FNIP1: variants seen among roughly 807,000 people sequenced by gnomAD.
FNIP1 encodes the protein folliculin interacting protein 1.
In FNIP1, 40 loss-of-function variants were observed where a neutral mutation model predicts 124.5. The ratio of observed to expected loss-of-function variants is 0.32; its 90% CI spans 0.25 to 0.42. The LOEUF (loss-of-function observed/expected upper bound fraction) is 0.42, where lower values mean the gene tolerates loss of function less well. FNIP1 is among the 10% of genes least tolerant of loss of function. The pLI, the probability that FNIP1 is intolerant of heterozygous loss-of-function variation, is 1.00. For missense variants in FNIP1, 1,176 were observed against 1,403.7 expected, an observed-to-expected ratio of 0.84 and a Z score of 2.59; for synonymous variants, 472 against 470.6, an observed-to-expected ratio of 1.00 and a Z score of -0.04.
chr5:131,730,489 G>A lies in FNIP1; in HGVS notation c.354+415C>T, dbSNP rs576527247. On this transcript the variant is annotated intron_variant, in intron 3 of 17. Transcript: ENST00000510461. ...TCCTATGTATTATACTTACTAATAC[G>A]TTTAATTCCATATTTTACAAGAAGT... 2.0e-5 allele frequency among the ~76,000 whole-genome samples: 3 copies of A among 152,156 alleles called. No homozygotes were observed. The East Asian group carries it at 5.8e-4, about 29-fold the overall frequency.
chr5:131,735,019 T>C (rs890530599), intron 2 of FNIP1, among the ~76,000 whole-genome samples: 2 of 152,190 alleles, frequency 1.3e-5, no homozygotes, highest in Non-Finnish European at 1.5e-5. Flanking sequence ...CGTATGTTTA[T>C]TGCAGCACTA....
chr5:131,723,786 T>G (rs1216984779), intron 3 of FNIP1, among the ~76,000 whole-genome samples: 2 of 152,164 alleles, frequency 1.3e-5, no homozygotes, highest in African/African-American at 4.8e-5. Flanking sequence ...GGTATAAAAG[T>G]GCCATGGTGG....
chr5:131,764,532 TG>T (rs1273995934), intron 1 of FNIP1, among the ~76,000 whole-genome samples: 1 of 151,990 alleles, frequency 6.6e-6, no homozygotes, highest in Admixed American at 6.6e-5. Flanking sequence ...CTCAAACTCA[TG>T]GGCTCAAACA....
Position 131,760,768 on chromosome 5 carries a change from A to G in FNIP1, c.93-16078T>C, listed in dbSNP as rs186305904. Among the ~76,000 whole-genome samples the G allele has an allele frequency of 2.2e-3, 333 of 152,234 alleles. 1 individual carries two copies. Among genetic ancestry groups the G allele is most frequent in the African/African-American group, 7.6e-3 (317 of 41,540 alleles). ...CTATGCTCCTACATGGAATAGAAAA[A>G]GAGGAGCCAAGTTTCAAAAGCTATG... On this transcript the variant is annotated intron_variant, in intron 1 of 17. Coordinates refer to ENST00000510461, the MANE Select transcript of FNIP1 (RefSeq NM_133372.3).
chr5:131,779,502 A>G (rs1479185559), intron 1 of FNIP1, among the ~76,000 whole-genome samples: 1 of 150,248 alleles, frequency 6.7e-6, no homozygotes, highest in African/African-American at 2.5e-5. Flanking sequence ...ACATGGTGAA[A>G]CCCCACTTCT....
At chr5:131,651,263 C>T (rs1470974619) in intron 16 of FNIP1, among the ~76,000 whole-genome samples, 2 of 152,078 alleles carry the variant, frequency 1.3e-5, no homozygotes, top group East Asian at 3.9e-4. Flanking sequence ...TGTGGTAGCA[C>T]GTGCCTGTAG....
At chr5:131,715,064 C>A (rs1438222598) in intron 6 of FNIP1, among the ~76,000 whole-genome samples, 1 of 152,188 alleles carries the variant, frequency 6.6e-6, no homozygotes, top group African/African-American at 2.4e-5. Context: ...GTAAATGTTG[C>A]TCATTATTTA....
chr5:131,693,344 A>ATATG (rs1251554940), intron 11 of FNIP1, among the ~76,000 whole-genome samples: 17 of 130,558 alleles, frequency 1.3e-4, no homozygotes, highest in African/African-American at 4.0e-4. Flanking sequence ...ATATATATAT[A>ATATG]TATATATATA....
Position 131,642,691 on chromosome 5 carries a change from G to C in FNIP1, c.*1994C>G, listed in dbSNP as rs983830919. On this transcript the variant is annotated 3_prime_UTR_variant, in exon 18 of 18. Coordinates refer to ENST00000510461, the MANE Select transcript of FNIP1 (RefSeq NM_133372.3). ...TCAAGACCAGCCTGACCAACACATG[G>C]TGAAATCTCATCTCTACTAAAAATA... is the stretch of plus-strand genomic sequence containing the variant. The C allele has an allele frequency of 6.6e-6, 1 of 151,954 alleles. No individual in the cohort carries two copies. The highest frequency in any genetic ancestry group is 2.4e-5 in the African/African-American group (1 of 41,338). 9.4% of individuals were successfully genotyped at this position (151,954 alleles called of 1,614,324 possible).
chr5:131,674,332 C>T (rs1441365097), intron 13 of FNIP1, among the ~76,000 whole-genome samples: 1 of 152,174 alleles, frequency 6.6e-6, no homozygotes, highest in Non-Finnish European at 1.5e-5. Context: ...ATGTTAAAAG[C>T]AGGGGAGGTG....
At chr5:131,727,120 T>C (rs537001625) in intron 3 of FNIP1, among the ~76,000 whole-genome samples, 5 of 152,308 alleles carry the variant, frequency 3.3e-5, no homozygotes, top group African/African-American at 1.2e-4. Flanking sequence ...AGAATGTATA[T>C]TCTGTTTATT....
chr5:131,756,947 G>A (rs1771070149), intron 1 of FNIP1, among the ~76,000 whole-genome samples: 1 of 152,156 alleles, frequency 6.6e-6, no homozygotes. Context: ...TACCACAGAA[G>A]ATTCCAGGTG....
At chr5:131,671,377 G>A in intron 14 of FNIP1, 128 bp downstream of exon 14, 1 of 805,520 alleles carries the variant, frequency 1.2e-6, no homozygotes, top group Non-Finnish European at 1.9e-6. Context: ...TATGAGTTAA[G>A]AGAATATGAA....
intron 3 of FNIP1, 125 bp downstream of exon 3, chr5:131,730,775 GTCTC>G: frequency 1.6e-6 from 1 of 613,812 alleles, no homozygotes; most frequent in Non-Finnish European, 2.6e-6. Flanking sequence ...TTGTTTATCT[GTCTC>G]TCCAGCTTCA....
At chr5:131,709,399 G>A (rs1435532550) in intron 7 of FNIP1, 127 bp from the exon 8 acceptor site, 1 of 732,554 alleles carries the variant, frequency 1.4e-6, no homozygotes, top group Admixed American at 2.3e-5. Flanking sequence ...TCAATAGCAT[G>A]GCACCAACCC....
intron 3 of FNIP1, among the ~76,000 whole-genome samples, chr5:131,728,012 C>A (rs1769944558): frequency 1.3e-5 from 2 of 152,206 alleles, no homozygotes. Flanking sequence ...GTCCCCCACT[C>A]TCTTCTGGCT....
At chr5:131,671,243 A>T (rs1422111362) in intron 14 of FNIP1, among the ~76,000 whole-genome samples, 1 of 152,146 alleles carries the variant, frequency 6.6e-6, no homozygotes, top group Non-Finnish European at 1.5e-5. Flanking sequence ...GTCACTCCTA[A>T]ATGGCTTGAA....
intron 15 of FNIP1, among the ~76,000 whole-genome samples, chr5:131,663,292 T>C (rs1027003609): frequency 1.3e-5 from 2 of 152,228 alleles, no homozygotes; most frequent in Admixed American, 6.5e-5. Context: ...GGGCTATATA[T>C]ACAGATATTG....
At chr5:131,699,188 T>G (rs1186097746) in intron 10 of FNIP1, among the ~76,000 whole-genome samples, 186 bp from the exon 11 acceptor site, 1 of 152,204 alleles carries the variant, frequency 6.6e-6, no homozygotes, top group South Asian at 2.1e-4. Flanking sequence ...AATTAATGAA[T>G]GGTTGAACAA....
Sources: gnomAD v4.1 joint callset for allele counts (sites outside exome capture counted in the v4.1 genomes callset) on GRCh38, gnomAD v4.1.1 for gene constraint, MANE v1.5 for transcripts, NCBI Gene and HGNC (gene_info 2026-07-23, HGNC 2026-07-21) for gene names.